The following SORCS2 variants were observed in gnomAD, a reference collection of about 807,000 sequenced individuals.
SORCS2 encodes sortilin related VPS10 domain containing receptor 2, also known as VPS10 domain-containing receptor SorCS2.
In SORCS2, 100 loss-of-function variants were observed where a neutral mutation model predicts 141.6. The observed-to-expected ratio is 0.71, with a 90% CI of 0.60 to 0.83. The LOEUF (loss-of-function observed/expected upper bound fraction) is 0.83. SORCS2 is among the 40% of genes least tolerant of loss of function. The pLI is 0.00. For synonymous variants in SORCS2, 789 were observed against 676.9 expected (o/e 1.17, Z -2.57); for missense variants, 1,646 against 1,560.2 (o/e 1.05, Z -0.93).
chr4:7,640,038 C>A (rs915293241), intron 4 of SORCS2, among the ~76,000 whole-genome samples: 1 of 134,874 alleles, frequency 7.4e-6, no homozygotes, highest in South Asian at 2.6e-4. Flanking sequence ...CGTGAGTGTG[C>A]ATGTGTGAGA....
At chr4:7,235,636 C>T (rs926075823) in intron 1 of SORCS2, among the ~76,000 whole-genome samples, 35 of 152,172 alleles carry the variant, frequency 2.3e-4, no homozygotes, top group Admixed American at 1.8e-3. Flanking sequence ...TAGGGTAGAG[C>T]GCCCTGTGTA....
chr4:7,318,271 G>A (rs1044484760), intron 1 of SORCS2, among the ~76,000 whole-genome samples: 1 of 152,210 alleles, frequency 6.6e-6, no homozygotes, highest in African/African-American at 2.4e-5. Flanking sequence ...AGAGCTAGGT[G>A]CTGCACCCTG....
intron 3 of SORCS2, among the ~76,000 whole-genome samples, chr4:7,597,899 A>G (rs1717392596): frequency 6.7e-6 from 1 of 149,316 alleles, no homozygotes; most frequent in Non-Finnish European, 1.5e-5. Flanking sequence ...GATTCCCAGG[A>G]AGGGCCATTG....
intron 4 of SORCS2, among the ~76,000 whole-genome samples, chr4:7,647,510 A>G (rs976500058): frequency 6.6e-6 from 1 of 152,204 alleles, no homozygotes; most frequent in Non-Finnish European, 1.5e-5. Context: ...GGACAGTTCC[A>G]TGATGCAGGG....
At chr4:7,472,787 C>G (rs1255567185) in intron 2 of SORCS2, among the ~76,000 whole-genome samples, 4 of 152,136 alleles carry the variant, frequency 2.6e-5, no homozygotes, top group Non-Finnish European at 5.9e-5. Flanking sequence ...AATTGACTCC[C>G]CGCTGTGAGG....
At chr4:7,194,909 C>T (rs1210183414) in intron 1 of SORCS2, among the ~76,000 whole-genome samples, 1 of 152,164 alleles carries the variant, frequency 6.6e-6, no homozygotes, top group Non-Finnish European at 1.5e-5. Flanking sequence ...GCCCCTTTGT[C>T]ATTTAGCTTC....
At chr4:7,637,264 G>A (rs1720318834) in intron 3 of SORCS2, among the ~76,000 whole-genome samples, 1 of 152,172 alleles carries the variant, frequency 6.6e-6, no homozygotes, top group South Asian at 2.1e-4. Context: ...CCTGGCTGCT[G>A]CTCCAGCCCC....
chr4:7,733,103 ACT>A (rs1303326090), intron 23 of SORCS2, among the ~76,000 whole-genome samples: 1 of 49,970 alleles, frequency 2.0e-5, no homozygotes, highest in Non-Finnish European at 3.9e-5. Context: ...ACACCCCCTC[ACT>A]CTCTCCACCA....
At chr4:7,215,814 G>A (rs1425824202) in intron 1 of SORCS2, among the ~76,000 whole-genome samples, 1 of 152,118 alleles carries the variant, frequency 6.6e-6, no homozygotes, top group Non-Finnish European at 1.5e-5. Context: ...TAATCTGATG[G>A]GGACGTGGAG....
chr4:7,567,733 C>T (rs1300848724), intron 3 of SORCS2, among the ~76,000 whole-genome samples: 1 of 152,188 alleles, frequency 6.6e-6, no homozygotes, highest in African/African-American at 2.4e-5. Flanking sequence ...AGTCTCCCTC[C>T]CCTTGAGAGC....
intron 1 of SORCS2, among the ~76,000 whole-genome samples, chr4:7,285,416 A>C (rs1196828536): frequency 6.6e-6 from 1 of 152,240 alleles, no homozygotes; most frequent in Non-Finnish European, 1.5e-5. Flanking sequence ...TGGAGACATT[A>C]GGATGTGGAC....
intron 3 of SORCS2, among the ~76,000 whole-genome samples, chr4:7,568,580 A>G (rs375992428): frequency 1.3e-5 from 2 of 152,172 alleles, no homozygotes; most frequent in East Asian, 1.9e-4. Context: ...CTGACTTTGC[A>G]AAGAGTTGGT....
At chr4:7,557,525 G>A (rs1714223585) in intron 3 of SORCS2, among the ~76,000 whole-genome samples, 1 of 152,244 alleles carries the variant, frequency 6.6e-6, no homozygotes, top group Non-Finnish European at 1.5e-5. Flanking sequence ...AGTAGATAGA[G>A]ATGAATAACC....
At chr4:7,579,798 C>T (rs1346902937) in intron 3 of SORCS2, among the ~76,000 whole-genome samples, 1 of 152,148 alleles carries the variant, frequency 6.6e-6, no homozygotes, top group Admixed American at 6.5e-5. Flanking sequence ...ACATCTGGGG[C>T]TCCTAGCACG....
At chr4:7,352,614 T>C (rs112173327) in intron 1 of SORCS2, among the ~76,000 whole-genome samples, 4,394 of 152,284 alleles carry the variant, frequency 0.029, 65 homozygotes, top group Middle Eastern at 0.054. Flanking sequence ...GAAGGCAGCG[T>C]TGGGCACATC....
chr4:7,238,351 C>A (rs934474252), intron 1 of SORCS2, among the ~76,000 whole-genome samples: 3 of 152,072 alleles, frequency 2.0e-5, no homozygotes, highest in South Asian at 2.1e-4. Flanking sequence ...TTTTGCTGTG[C>A]AGAAAGTCAA....
intron 7 of SORCS2, among the ~76,000 whole-genome samples, 169 bp from the exon 8 acceptor site, chr4:7,666,955 T>C (rs1722541499): frequency 2.0e-5 from 3 of 151,910 alleles, no homozygotes; most frequent in Admixed American, 2.0e-4. Context: ...GGGTGTTAAT[T>C]TGGGGCTTTG....
chr4:7,678,979 T>C (rs1258015331), intron 9 of SORCS2, among the ~76,000 whole-genome samples: 2 of 152,206 alleles, frequency 1.3e-5, no homozygotes, highest in African/African-American at 4.8e-5. Context: ...GAGCAGCGCC[T>C]GTTTCCAAGT....
intron 24 of SORCS2, 127 bp downstream of exon 24, chr4:7,733,548 T>C: frequency 1.3e-6 from 1 of 760,350 alleles, no homozygotes. Flanking sequence ...TCGCCTCTGA[T>C]GGAACTGAGA....
Sources: allele counts gnomAD v4.1 joint callset (sites outside exome capture counted in the v4.1 genomes callset), GRCh38; gene constraint gnomAD v4.1.1; transcripts MANE v1.5; gene names NCBI Gene and HGNC (gene_info 2026-07-23, HGNC 2026-07-21).